Variants in PPFIA4 observed in about 807,000 individuals in gnomAD.
PPFIA4 encodes PPFI scaffold protein A4.
A neutral mutation model predicts 145.7 loss-of-function variants in PPFIA4; 98 were observed. The observed-to-expected ratio is 0.67, with a 90% CI of 0.57 to 0.80. PPFIA4 has a LOEUF of 0.80. PPFIA4 is among the 30% of genes least tolerant of loss of function. The probability of loss-of-function intolerance (pLI) is 0.00; values close to 1 mark genes in which losing one functional copy is unlikely to be tolerated. For missense variants in PPFIA4, 1,457 were observed against 1,632.7 expected (o/e 0.89, Z 1.85); for synonymous variants, 628 against 649.6 (o/e 0.97, Z 0.51).
intron 14 of PPFIA4, among the ~76,000 whole-genome samples, chr1:203,052,092 G>A (rs1001326463): frequency 1.3e-4 from 20 of 151,910 alleles, no homozygotes; most frequent in Admixed American, 1.3e-3. Flanking sequence ...AGAGGTGGGG[G>A]CTGGCAGGCA....
At chr1:203,051,382 C>A in intron 13 of PPFIA4, 1 of 936,792 alleles carries the variant, frequency 1.1e-6, no homozygotes, top group African/African-American at 1.8e-5. Context: ...CCAACATCTC[C>A]CAGTGCCTGG....
At chr1:203,056,003 G>T in intron 16 of PPFIA4, 117 bp from the exon 17 acceptor site, 1 of 1,021,666 alleles carries the variant, frequency 9.8e-7, no homozygotes, top group Admixed American at 2.6e-5. Context: ...ATTCTCTCCG[G>T]GCCTGTGTGA....
chr1:203,052,132 G>T (rs1286605565), intron 14 of PPFIA4, among the ~76,000 whole-genome samples: 14 of 150,522 alleles, frequency 9.3e-5, no homozygotes, highest in Admixed American at 8.6e-4. Flanking sequence ...CCACTGAAGT[G>T]TGTGTGCGTG....
intron 1 of PPFIA4, among the ~76,000 whole-genome samples, chr1:203,028,247 G>C (rs1558057044): frequency 1.3e-5 from 2 of 152,170 alleles, no homozygotes. Flanking sequence ...GAACCGTGTG[G>C]TGCATGAGGT....
chr1:203,056,061 G>T, intron 16 of PPFIA4, 59 bp from the exon 17 acceptor site: 1 of 1,591,068 alleles, frequency 6.3e-7, no homozygotes, highest in South Asian at 1.1e-5. Context: ...GCTCCCCTGG[G>T]GTTGGCTCTA....
chr1:203,056,344 C>G lies in PPFIA4; in HGVS notation c.2107-31C>G, dbSNP rs1158005759. The G allele has an allele frequency of 3.7e-6, 6 of 1,611,172 alleles. No individual in the cohort carries two copies. In the African/African-American group the frequency reaches 4.0e-5, roughly 11 times the overall value. On this transcript the variant is annotated intron_variant, in intron 17 of 29. Coordinates refer to ENST00000295706, the MANE Select transcript of PPFIA4 (RefSeq NM_001304331.2). The stretch of plus-strand genomic sequence containing the variant: ...GTAGGCAGGCCCGAGATCTCTCCCT[C>G]TATCCCCTGACGGCTCCACTGTCTG...
intron 19 of PPFIA4, among the ~76,000 whole-genome samples, chr1:203,057,285 G>A (rs1460860783): frequency 6.6e-6 from 1 of 152,188 alleles, no homozygotes; most frequent in Non-Finnish European, 1.5e-5. Context: ...ACTGTGCTCG[G>A]GACCTTCAGG....
At chr1:203,029,736 G>A (rs112922846) in intron 1 of PPFIA4, among the ~76,000 whole-genome samples, 2 of 152,316 alleles carry the variant, frequency 1.3e-5, no homozygotes, top group South Asian at 2.1e-4. Context: ...CCCTTTGGGG[G>A]CATTAGATTC....
At chr1:203,036,675 G>A (rs1266156048) in intron 1 of PPFIA4, among the ~76,000 whole-genome samples, 2 of 152,226 alleles carry the variant, frequency 1.3e-5, no homozygotes, top group African/African-American at 4.8e-5. Context: ...GGCATGGTGG[G>A]TGGGAGAATT....
chr1:203,068,344 A>G lies in PPFIA4; in HGVS notation c.3149-109A>G. ...TTTAGGGATGGAGTGGGGGTCAGAG[A>G]GCAGGGTGGACTGCGGCTCTGGGTT... On this transcript the variant is annotated intron_variant, in intron 26 of 29. Transcript: ENST00000295706. The surrounding 1 kb of genome is among the most constrained non-coding windows in gnomAD (Gnocchi z 4.7). 1 of 940,960 alleles carries G rather than the reference A, an allele frequency of 1.1e-6. No homozygotes were observed. Among genetic ancestry groups the G allele is most frequent in the Non-Finnish European group, 1.5e-6 (1 of 658,584 alleles). 58.3% of individuals were successfully genotyped at this position (940,960 alleles called of 1,614,324 possible). A position where few individuals can be genotyped will look rare whatever the true frequency, so the allele number is the denominator to read the frequency against.
At chr1:203,051,996 T>C in intron 14 of PPFIA4, 119 bp downstream of exon 14, 2 of 1,110,244 alleles carry the variant, frequency 1.8e-6, no homozygotes, top group Non-Finnish European at 2.6e-6. Context: ...CCCGTGTCAA[T>C]GACAGCTGCA....
In PPFIA4 at chr1:203,044,743, A is replaced by G; in HGVS notation, c.624A>G (p.Glu208=). ...QGAGVRDGAA[E]EEGTVELGPK... ...CAGGGGTGCGGGATGGAGCGGCAGA[A>G]GAGGAGGGGACTGTGGAGCTGGGGC... Residue 208 remains glutamate (E), a synonymous_variant, in exon 6 of 30, where the codon GAA becomes GAG. Transcript: ENST00000295706. 1 of 1,566,350 alleles carries G rather than the reference A, an allele frequency of 6.4e-7. No individual in the cohort carries two copies. The highest frequency in any genetic ancestry group is 8.7e-7 in the Non-Finnish European group (1 of 1,155,766).
chr1:203,071,651 AG>A, intron 27 of PPFIA4, 40 bp from the exon 28 acceptor site: 2 of 1,474,546 alleles, frequency 1.4e-6, no homozygotes, highest in Non-Finnish European at 1.9e-6. Context: ...AGTTAACTAT[AG>A]CCCTTCCCAC....
At position 203,067,714 on chromosome 1, in the gene PPFIA4, A is replaced by G. The variant is rs767724137; in HGVS notation, c.3070A>G (p.Ile1024Val). The change falls in exon 26 of 30, where the codon ATC becomes GTC. Residue 1024 changes from isoleucine to valine, a missense_variant. Physicochemically the swap from Ile to Val is conservative, Grantham distance 29. Around this residue, in one of 3 missense-constraint regions of PPFIA4, gnomAD observed 848 missense variants for 1,046.7 expected, o/e 0.81. Coordinates refer to ENST00000295706, the MANE Select transcript of PPFIA4 (RefSeq NM_001304331.2). ...CTGCAGAACCAGTCTTCAGTATGGC[A>G]TCATGTGTCTGAAGAGGCTGAATTA... ...SFHRTSLQYG[I>V]MCLKRLNYDR... is the part of the protein sequence containing the mutation. 3.1e-6 allele frequency: 5 copies of G among 1,613,768 alleles called. No homozygotes were observed. Among genetic ancestry groups the G allele is most frequent in the African/African-American group, 2.7e-5 (2 of 74,896 alleles).
chr1:203,056,281 C>G, intron 17 of PPFIA4, 94 bp from the exon 18 acceptor site: 2 of 1,597,962 alleles, frequency 1.3e-6, no homozygotes, highest in South Asian at 2.3e-5. Flanking sequence ...GGCCTCCCCA[C>G]TGCATTTCTC....
chr1:203,042,910 A>T (rs1016079987), intron 2 of PPFIA4, among the ~76,000 whole-genome samples: 2 of 152,194 alleles, frequency 1.3e-5, no homozygotes, highest in Non-Finnish European at 2.9e-5. Flanking sequence ...AAGTGTTGGG[A>T]TTACAGGCGT....
intron 29 of PPFIA4, chr1:203,076,027 C>T: frequency 1.7e-6 from 1 of 581,948 alleles, no homozygotes; most frequent in Non-Finnish European, 3.0e-6. Flanking sequence ...CTCCTGCTGA[C>T]CCCCCATCCT....
chr1:203,052,727 T>C (rs1043242185), intron 14 of PPFIA4, among the ~76,000 whole-genome samples: 5 of 152,198 alleles, frequency 3.3e-5, no homozygotes, highest in African/African-American at 1.2e-4. Context: ...TAGAGTACCT[T>C]TCTGTCCCTG....
chr1:203,059,578 G>T (rs1341492238), intron 20 of PPFIA4, among the ~76,000 whole-genome samples, 192 bp from the exon 21 acceptor site: 1 of 152,178 alleles, frequency 6.6e-6, no homozygotes. Context: ...CCCTCTTGGG[G>T]TGGTCAGGTG....
Sources: allele counts gnomAD v4.1 joint callset (sites outside exome capture counted in the v4.1 genomes callset), GRCh38; gene constraint gnomAD v4.1.1; regional missense constraint gnomAD v4.1.1; non-coding constraint Gnocchi (gnomAD v3.1); transcripts MANE v1.5; gene names NCBI Gene and HGNC (gene_info 2026-07-23, HGNC 2026-07-21).